The following NOL4 variants were observed in gnomAD, a reference collection of about 807,000 sequenced individuals.
The protein encoded by NOL4 is cancer/testis antigen 125.
In NOL4, 17 loss-of-function variants were observed where a neutral mutation model predicts 75.9. That is an observed-to-expected ratio of 0.22 (90% CI 0.15 to 0.34). NOL4 has a LOEUF of 0.34. Ranked by LOEUF, NOL4 falls within the 10% of genes least tolerant of loss-of-function variation. The pLI, the probability that NOL4 is intolerant of heterozygous loss-of-function variation, is 1.00. For synonymous variants in NOL4, 292 were observed against 289.9 expected, an observed-to-expected ratio of 1.01 and a Z score of -0.07; for missense variants, 614 against 793.5, an observed-to-expected ratio of 0.77 and a Z score of 2.72.
In NOL4 at chr18:33,904,009, TA is replaced by T. The variant is rs1474082727; in HGVS notation, c.1543-20586del. 3.3e-5 allele frequency among the ~76,000 whole-genome samples: 5 copies of T among 152,282 alleles called. No individual in the cohort carries two copies. In the East Asian group the frequency reaches 9.6e-4, roughly 29 times the overall value. ...AATCAAAGATGGATTCACAGATGCC[TA>T]AATGGCTGATGGTTCAACACATAAA... On this transcript the variant is annotated intron_variant, in intron 9 of 10. Coordinates refer to ENST00000261592, the MANE Select transcript of NOL4 (RefSeq NM_003787.5).
intron 5 of NOL4, among the ~76,000 whole-genome samples, chr18:34,059,169 T>C (rs900993641): frequency 7.5e-6 from 1 of 133,452 alleles, no homozygotes; most frequent in African/African-American, 2.7e-5. Flanking sequence ...ACATGCTTAG[T>C]TTATATGTGC....
intron 6 of NOL4, among the ~76,000 whole-genome samples, chr18:33,959,855 C>T (rs2069959117): frequency 6.6e-6 from 1 of 151,962 alleles, no homozygotes; most frequent in Non-Finnish European, 1.5e-5. Flanking sequence ...GATTATATAA[C>T]TACTGTGTGA....
intron 10 of NOL4, among the ~76,000 whole-genome samples, chr18:33,859,133 T>C (rs188527350): frequency 2.6e-5 from 4 of 152,236 alleles, no homozygotes; most frequent in South Asian, 4.1e-4. Flanking sequence ...TCACTTATTC[T>C]ATTGTCTTTG....
chr18:34,089,251 A>G (rs1055013616), intron 5 of NOL4, among the ~76,000 whole-genome samples: 2 of 152,132 alleles, frequency 1.3e-5, no homozygotes, highest in African/African-American at 4.8e-5. Flanking sequence ...TCTAAATAAA[A>G]TCTTAATCAC....
intron 5 of NOL4, among the ~76,000 whole-genome samples, chr18:34,029,376 C>T (rs1003719496): frequency 1.4e-4 from 21 of 152,190 alleles, no homozygotes; most frequent in African/African-American, 4.8e-4. Context: ...AAAAATTTTA[C>T]TATTTAATTA....
intron 1 of NOL4, among the ~76,000 whole-genome samples, chr18:34,169,247 T>C (rs1481271100): frequency 2.6e-5 from 4 of 151,920 alleles, no homozygotes; most frequent in African/African-American, 9.7e-5. Flanking sequence ...ATCACATATG[T>C]ATAGGAGAAA....
intron 1 of NOL4, among the ~76,000 whole-genome samples, chr18:34,134,603 A>G (rs1446585275): frequency 6.6e-6 from 1 of 152,096 alleles, no homozygotes; most frequent in South Asian, 2.1e-4. Context: ...CAGAAGATAT[A>G]TAAAGAAATA....
chr18:33,880,527 T>A (rs138743210), intron 10 of NOL4, among the ~76,000 whole-genome samples: 1 of 152,186 alleles, frequency 6.6e-6, no homozygotes, highest in African/African-American at 2.4e-5. Flanking sequence ...CCTAAAAATT[T>A]ACCAACCAAG....
chr18:34,163,699 C>A (rs573729123), intron 1 of NOL4, among the ~76,000 whole-genome samples: 1 of 152,300 alleles, frequency 6.6e-6, no homozygotes, highest in Admixed American at 6.5e-5. Context: ...CCAACCCCAT[C>A]AAGCTACCAG....
intron 8 of NOL4, among the ~76,000 whole-genome samples, chr18:33,955,749 C>G (rs928835422): frequency 5.9e-5 from 9 of 152,072 alleles, no homozygotes; most frequent in Non-Finnish European, 1.2e-4. Context: ...CATTTAGCAG[C>G]CTAGTAAACA....
At chr18:34,144,064 A>G (rs894422202) in intron 1 of NOL4, among the ~76,000 whole-genome samples, 4 of 152,110 alleles carry the variant, frequency 2.6e-5, no homozygotes, top group Non-Finnish European at 5.9e-5. Flanking sequence ...CCTCCATTAT[A>G]TGGTATTTTC....
At chr18:34,209,936 C>T (rs907816142) in intron 1 of NOL4, among the ~76,000 whole-genome samples, 1 of 152,108 alleles carries the variant, frequency 6.6e-6, no homozygotes, top group Admixed American at 6.5e-5. Context: ...GTTATCAAGA[C>T]AATAGATTAT....
chr18:33,863,625 CA>C (rs2144335035), intron 10 of NOL4, among the ~76,000 whole-genome samples: 1 of 152,282 alleles, frequency 6.6e-6, no homozygotes, highest in African/African-American at 2.4e-5. Flanking sequence ...TGCTGATGCA[CA>C]GGGTGGTCTC....
chr18:33,861,479 T>C (rs910204220), intron 10 of NOL4, among the ~76,000 whole-genome samples: 34 of 152,190 alleles, frequency 2.2e-4, no homozygotes, highest in Non-Finnish European at 3.8e-4. Flanking sequence ...TTGGTGGTGA[T>C]ATCCCCTTTA....
At chr18:33,918,280 C>T (rs1322554632) in intron 9 of NOL4, among the ~76,000 whole-genome samples, 3 of 152,110 alleles carry the variant, frequency 2.0e-5, no homozygotes, top group African/African-American at 7.2e-5. Flanking sequence ...AGGAATCACA[C>T]AAAATGTTGA....
At chr18:34,024,215 A>ATATATATAT (rs1491509605) in intron 5 of NOL4, among the ~76,000 whole-genome samples, 11 of 127,472 alleles carry the variant, frequency 8.6e-5, no homozygotes, top group Non-Finnish European at 1.6e-4. Context: ...ATATATATAT[A>ATATATATAT]AAATCCTCAT....
At chr18:33,999,497 G>A (rs937314939) in intron 6 of NOL4, among the ~76,000 whole-genome samples, 2 of 151,884 alleles carry the variant, frequency 1.3e-5, no homozygotes, top group South Asian at 2.1e-4. Flanking sequence ...ATTTTTATAG[G>A]TCAATGTTTA....
At chr18:34,007,766 A>G (rs981214302) in intron 6 of NOL4, among the ~76,000 whole-genome samples, 2 of 152,018 alleles carry the variant, frequency 1.3e-5, no homozygotes, top group Admixed American at 6.6e-5. Flanking sequence ...GTAAGGCATT[A>G]GTTTGTTTTC....
intron 1 of NOL4, among the ~76,000 whole-genome samples, chr18:34,145,567 T>C (rs2081363503): frequency 6.6e-6 from 1 of 151,852 alleles, no homozygotes; most frequent in African/African-American, 2.4e-5. Flanking sequence ...ACAAATAGTA[T>C]GTTTATAACT....
Sources: allele counts gnomAD v4.1 joint callset (sites outside exome capture counted in the v4.1 genomes callset), GRCh38; gene constraint gnomAD v4.1.1; transcripts MANE v1.5; gene names NCBI Gene and HGNC (gene_info 2026-07-23, HGNC 2026-07-21).